Variants in ARPP21 observed in about 807,000 individuals in gnomAD.
ARPP21 encodes the protein cAMP-regulated phosphoprotein 21.
A neutral mutation model predicts 113.2 loss-of-function variants in ARPP21; 69 were observed. That is an observed-to-expected ratio of 0.61 (90% CI 0.50 to 0.74). The LOEUF is 0.74. Among genes scored for constraint, ARPP21 ranks in the 30% least tolerant of loss-of-function variants. The pLI is 0.00. For missense variants in ARPP21, 1,070 were observed against 1,037.4 expected (o/e 1.03, Z -0.43); for synonymous variants, 368 against 375.5 (o/e 0.98, Z 0.23).
intron 19 of ARPP21, among the ~76,000 whole-genome samples, chr3:35,785,602 G>A (rs2151818487): frequency 6.6e-6 from 1 of 152,298 alleles, no homozygotes; most frequent in East Asian, 1.9e-4. Flanking sequence ...AGAGGCCCCT[G>A]AGCCTGCAGT....
intron 1 of ARPP21, among the ~76,000 whole-genome samples, chr3:35,656,861 T>C (rs1171443124): frequency 6.6e-6 from 1 of 152,074 alleles, no homozygotes; most frequent in African/African-American, 2.4e-5. Flanking sequence ...TTTAGTTACA[T>C]CAAGTAACTG....
chr3:35,784,267 G>T (rs2096585242), intron 19 of ARPP21, among the ~76,000 whole-genome samples: 1 of 152,228 alleles, frequency 6.6e-6, no homozygotes, highest in South Asian at 2.1e-4. Flanking sequence ...TAGGTCATTA[G>T]CATGCCAGAG....
At chr3:35,655,601 G>A (rs1447241853) in intron 1 of ARPP21, among the ~76,000 whole-genome samples, 1 of 152,020 alleles carries the variant, frequency 6.6e-6, no homozygotes, top group African/African-American at 2.4e-5. Context: ...TGACTAAAAT[G>A]AGCTGTACTG....
intron 8 of ARPP21, 22 bp downstream of exon 8, chr3:35,690,162 G>C (rs776984280): frequency 8.3e-7 from 1 of 1,198,156 alleles, no homozygotes; most frequent in South Asian, 1.2e-5. Context: ...TTCAATGCTG[G>C]TTAATTTGAT....
At chr3:35,668,027 AAGAAGG>A (rs1181658287) in intron 1 of ARPP21, among the ~76,000 whole-genome samples, 13 of 132,464 alleles carry the variant, frequency 9.8e-5, no homozygotes, top group Non-Finnish European at 1.3e-4. Context: ...GAAGAAGAAG[AAGAAGG>A]AGAAGAAGAA....
intron 9 of ARPP21, among the ~76,000 whole-genome samples, chr3:35,702,174 A>G (rs1033054143): frequency 2.3e-4 from 35 of 151,870 alleles, no homozygotes; most frequent in African/African-American, 8.4e-4. Flanking sequence ...CTTACATATT[A>G]TAGTTTCAAC....
In ARPP21 at chr3:35,772,970, T is replaced by C. The variant is rs543076547; in HGVS notation, c.2138-19412T>C. Among the ~76,000 whole-genome samples the C allele has an allele frequency of 3.3e-5, 5 of 152,300 alleles. No homozygotes were observed. In the South Asian group the frequency reaches 1.0e-3, roughly 32 times the overall value. Reference sequence around the variant, plus strand: ...AGCTGGCTATTTTTCATAGCCATTTTACTTTTTATCAAAGTGAGATAAAAA... The same window carrying C: ...AGCTGGCTATTTTTCATAGCCATTTCACTTTTTATCAAAGTGAGATAAAAA... On this transcript the variant is annotated intron_variant, in intron 19 of 20. Transcript: ENST00000684406.
chr3:35,650,177 A>T (rs1211674690), intron 1 of ARPP21: 2 of 152,158 alleles, frequency 1.3e-5, no homozygotes, highest in Non-Finnish European at 1.5e-5. Flanking sequence ...ACATTCGAGA[A>T]CACATTGTTT....
chr3:35,686,814 A>C (rs1305613989), intron 5 of ARPP21, among the ~76,000 whole-genome samples: 1 of 151,560 alleles, frequency 6.6e-6, no homozygotes, highest in Non-Finnish European at 1.5e-5. Context: ...TAAAACTGAA[A>C]AATATGATTT....
chr3:35,668,017 G>T (rs181169586), intron 1 of ARPP21, among the ~76,000 whole-genome samples: 1 of 149,480 alleles, frequency 6.7e-6, no homozygotes, highest in African/African-American at 2.5e-5. Context: ...AGAAGAAGAA[G>T]AAGAAGAAGA....
At chr3:35,735,559 T>A (rs2094298110) in intron 15 of ARPP21, among the ~76,000 whole-genome samples, 1 of 152,232 alleles carries the variant, frequency 6.6e-6, no homozygotes, top group South Asian at 2.1e-4. Context: ...GCAAGCCTTA[T>A]GTATCAGAAC....
rs548671318 is a variant in ARPP21 at position 35,690,734 on chromosome 3, G to A, written c.546-131G>A. Reference sequence around the variant, plus strand: ...ATTTTTCTAGAAATTAGGACATTAAGTGATGCCAGAAATGCAATAGGCTTA... The same window carrying A: ...ATTTTTCTAGAAATTAGGACATTAAATGATGCCAGAAATGCAATAGGCTTA... On this transcript the variant is annotated intron_variant, in intron 8 of 20. Transcript: ENST00000684406. The A allele has an allele frequency of 2.4e-5, 19 of 798,744 alleles. No individual in the cohort carries two copies. In the South Asian group the frequency reaches 4.2e-4, roughly 17 times the overall value. The allele number at this position is 798,744 out of a possible 1,614,324, so 49.5% of individuals were successfully genotyped here.
chr3:35,668,008 GAAGAAGAAGAAGAAGAAGA>G (rs1559549879), intron 1 of ARPP21, among the ~76,000 whole-genome samples: 6 of 150,392 alleles, frequency 4.0e-5, no homozygotes, highest in African/African-American at 1.5e-4. Flanking sequence ...AGAAGAAGAA[GAAGAAGAAGAAGAAGAAGA>G]AGAAGGAGAA....
chr3:35,690,283 G>A (rs1420078560), intron 8 of ARPP21, 143 bp downstream of exon 8: 2 of 602,494 alleles, frequency 3.3e-6, no homozygotes, highest in Admixed American at 2.8e-5. Context: ...GACATTATTG[G>A]AGTTAGGACT....
At chr3:35,687,148 A>T (rs2080863934) in intron 5 of ARPP21, among the ~76,000 whole-genome samples, 1 of 151,312 alleles carries the variant, frequency 6.6e-6, no homozygotes, top group Non-Finnish European at 1.5e-5. Flanking sequence ...ATTTATAAAC[A>T]ATTATAATAA....
At chr3:35,716,786 T>C (rs1252703178) in intron 12 of ARPP21, among the ~76,000 whole-genome samples, 2 of 152,004 alleles carry the variant, frequency 1.3e-5, no homozygotes, top group African/African-American at 4.8e-5. Flanking sequence ...CCTTATATTA[T>C]GTTGGATTAT....
chr3:35,775,690 T>G (rs2096341412), intron 19 of ARPP21, among the ~76,000 whole-genome samples: 1 of 152,074 alleles, frequency 6.6e-6, no homozygotes, highest in Non-Finnish European at 1.5e-5. Flanking sequence ...TGCAATATAT[T>G]TTACAATATA....
intron 19 of ARPP21, among the ~76,000 whole-genome samples, chr3:35,752,551 G>A (rs956890729): frequency 3.3e-5 from 5 of 151,974 alleles, no homozygotes; most frequent in Non-Finnish European, 7.4e-5. Flanking sequence ...TCTTGCAAAT[G>A]CTATCCCCAA....
intron 19 of ARPP21, among the ~76,000 whole-genome samples, chr3:35,761,267 G>T (rs952862055): frequency 2.0e-5 from 3 of 152,136 alleles, no homozygotes; most frequent in Non-Finnish European, 4.4e-5. Context: ...ATTTAGAGAT[G>T]CATTTGGAGA....
Sources: gnomAD v4.1 joint callset for allele counts (sites outside exome capture counted in the v4.1 genomes callset) on GRCh38, gnomAD v4.1.1 for gene constraint, MANE v1.5 for transcripts, NCBI Gene and HGNC (gene_info 2026-07-23, HGNC 2026-07-21) for gene names.